Variants in PARP14 observed in about 807,000 individuals in gnomAD.
PARP14 encodes protein mono-ADP-ribosyltransferase PARP14.
A neutral mutation model predicts 154.2 loss-of-function variants in PARP14; 59 were observed. The observed-to-expected ratio is 0.38, with a 90% CI of 0.31 to 0.48. The LOEUF (loss-of-function observed/expected upper bound fraction) is 0.48, where lower values mean the gene tolerates loss of function less well. Ranked by LOEUF, PARP14 falls within the 20% of genes least tolerant of loss-of-function variation. The pLI, the probability that PARP14 is intolerant of heterozygous loss-of-function variation, is 0.98. For missense variants in PARP14, 1,734 were observed against 2,131.6 expected (o/e 0.81, Z 3.67); for synonymous variants, 720 against 780.5 (o/e 0.92, Z 1.29).
In PARP14 at chr3:122,684,839, G is replaced by T. The variant is rs138076717; in HGVS notation, c.188-346G>T. On this transcript the variant is annotated intron_variant, in intron 1 of 16. Transcript: ENST00000474629. ...TATTGCTACCTTTTGAGTACCTCCT[G>T]AGTGTCAGGTCCTGTACCAAGTTCT... 4.2e-3 allele frequency among the ~76,000 whole-genome samples: 642 copies of T among 152,250 alleles called. 2 individuals are homozygous for T. Among genetic ancestry groups the T allele is most frequent in the South Asian group, 6.0e-3 (29 of 4,822 alleles).
In PARP14 at chr3:122,680,985, G is replaced by A. The variant is rs1224564442; in HGVS notation, c.102G>A (p.Pro34=). ...AGTTGCAGATGTACTTCCAGAGCCCGAAGAGGTCGGGAGGCGGCGAGTGTG... is the reference window on the plus strand; with the variant it reads ...AGTTGCAGATGTACTTCCAGAGCCCAAAGAGGTCGGGAGGCGGCGAGTGTG... ...NTKLQMYFQS[P]KRSGGGECEV... Residue 34 remains proline (P), a synonymous_variant, in exon 1 of 17, where the codon CCG becomes CCA. Transcript: ENST00000474629. 5 of 1,613,836 alleles carry A rather than the reference G, an allele frequency of 3.1e-6. No individual in the cohort carries two copies. In the Admixed American group the frequency reaches 6.7e-5, roughly 22 times the overall value.
Position 122,699,619 on chromosome 3 carries a change from C to T in PARP14, c.1065C>T (p.Leu355=), listed in dbSNP as rs1191745613. The change falls in exon 6 of 17, where the codon CTC becomes CTT. Residue 355 remains leucine, a synonymous_variant. Transcript: ENST00000474629. ...AAATGAGGCGTTGTCACTGTGAGCTCACGTGGTCCCAACTCAGTGGTAAAG... is the reference window on the plus strand; with the variant it reads ...AAATGAGGCGTTGTCACTGTGAGCTTACGTGGTCCCAACTCAGTGGTAAAG... ...NDEMRRCHCE[L]TWSQLSGKVT... is the part of the protein sequence containing the mutation. 5 of 1,613,890 alleles carry T rather than the reference C, an allele frequency of 3.1e-6. No individual in the cohort carries two copies. In the East Asian group the frequency reaches 1.1e-4, roughly 36 times the overall value.
In PARP14 at chr3:122,700,802, G is replaced by A. The variant is rs1938939888; in HGVS notation, c.2248G>A (p.Ala750Thr). ...VKSVHTDKPG[A>T]KQFFQDKARF... ...AAGTGTCCATACTGATAAGCCAGGAGCCAAGCAGTTCTTCCAGGATAAAGC... is the reference window on the plus strand; with the variant it reads ...AAGTGTCCATACTGATAAGCCAGGAACCAAGCAGTTCTTCCAGGATAAAGC... The change falls in exon 6 of 17, where the codon GCC becomes ACC. Residue 750 changes from alanine (A) to threonine (T), a missense_variant. Physicochemically the swap from Ala to Thr is moderately conservative, Grantham distance 58. Transcript: ENST00000474629. 1 of 1,613,710 alleles carries A rather than the reference G, an allele frequency of 6.2e-7. No homozygotes were observed. Among genetic ancestry groups the A allele is most frequent in the African/African-American group, 1.3e-5 (1 of 74,934 alleles).
intron 6 of PARP14, among the ~76,000 whole-genome samples, chr3:122,702,974 A>G (rs963696073): frequency 6.9e-6 from 1 of 145,280 alleles, no homozygotes; most frequent in Admixed American, 7.0e-5. Flanking sequence ...CTGGGTGGAC[A>G]GAGCAAGACC....
At position 122,718,408 on chromosome 3, in the gene PARP14, T is replaced by C; in HGVS notation, c.4257T>C (p.Val1419=). Residue 1419 remains valine, a synonymous_variant, in exon 14 of 17, where the codon GTT becomes GTC. Coordinates refer to ENST00000474629, the MANE Select transcript of PARP14 (RefSeq NM_017554.3). ...KQSPQKKNHL[V]LEKKTESATF... ...CTCCCCAAAAAAAGAATCATTTGGT[T>C]TTGGAAAAGAAAACAGAATCAGCAA... 1 of 1,613,164 alleles carries C rather than the reference T, an allele frequency of 6.2e-7. No individual in the cohort carries two copies. The highest frequency in any genetic ancestry group is 2.2e-5 in the East Asian group (1 of 44,878).
At chr3:122,690,600 C>A (rs1283832432) in intron 3 of PARP14, among the ~76,000 whole-genome samples, 1 of 152,160 alleles carries the variant, frequency 6.6e-6, no homozygotes. Flanking sequence ...CAACCTCCGC[C>A]TCCCAGCTTC....
At chr3:122,715,674 ATC>A (rs1932981404) in intron 12 of PARP14, among the ~76,000 whole-genome samples, 1 of 150,438 alleles carries the variant, frequency 6.6e-6, no homozygotes, top group South Asian at 2.1e-4. Flanking sequence ...ATCTATCTCT[ATC>A]ATCTCTCTAC....
intron 1 of PARP14, among the ~76,000 whole-genome samples, chr3:122,683,906 T>G (rs1476412132): frequency 1.3e-5 from 2 of 152,174 alleles, no homozygotes; most frequent in African/African-American, 4.8e-5. Context: ...ATTTAGCTTG[T>G]TGTCAGGCTG....
intron 2 of PARP14, among the ~76,000 whole-genome samples, chr3:122,686,164 CT>C (rs1362129841): frequency 3.3e-5 from 5 of 152,140 alleles, no homozygotes; most frequent in East Asian, 3.9e-4. Flanking sequence ...TTATTTATTT[CT>C]TTTTTAGAGG....
In PARP14 at chr3:122,718,948, G is replaced by T; in HGVS notation, c.4797G>T (p.Thr1599=). Residue 1599 remains threonine, a synonymous_variant, in exon 14 of 17, where the codon ACG becomes ACT. Coordinates refer to ENST00000474629, the MANE Select transcript of PARP14 (RefSeq NM_017554.3). ...KGHSLSVQRL[T]KSKVDIPAHW... is the part of the protein sequence containing the mutation. ...ACAGTTTATCTGTTCAGCGCCTCAC[G>T]AAATCCAAAGGTGAGTTAAACATTC... 4 of 1,575,364 alleles carry T rather than the reference G, an allele frequency of 2.5e-6. No homozygotes were observed. The South Asian group carries it at 3.5e-5, about 14-fold the overall frequency.
At position 122,699,517 on chromosome 3, in the gene PARP14, A is replaced by T. The variant is rs1293673150; in HGVS notation, c.963A>T (p.Pro321=). The change falls in exon 6 of 17, where the codon CCA becomes CCT. Residue 321 remains proline (P), a synonymous_variant. Coordinates refer to ENST00000474629, the MANE Select transcript of PARP14 (RefSeq NM_017554.3). ...KEKPLIKLPA[P]FEESLDLPLW... ...AGCCTCTGATCAAGCTTCCAGCACC[A>T]TTTGAAGAGTCACTAGATCTTCCCT... The T allele has an allele frequency of 3.7e-6, 6 of 1,614,014 alleles. No homozygotes were observed. The highest frequency in any genetic ancestry group is 5.1e-6 in the Non-Finnish European group (6 of 1,179,866).
At chr3:122,711,833 T>C (rs1352081372) in intron 9 of PARP14, among the ~76,000 whole-genome samples, 1 of 152,226 alleles carries the variant, frequency 6.6e-6, no homozygotes, top group East Asian at 1.9e-4. Context: ...TTTCCAGGAA[T>C]TTATCCATTT....
chr3:122,728,093 T>C (rs1471286012), intron 16 of PARP14, 107 bp downstream of exon 16: 3 of 1,068,006 alleles, frequency 2.8e-6, no homozygotes, highest in African/African-American at 3.2e-5. Context: ...TTGGTGGCCA[T>C]GTTGCAGCCC....
chr3:122,695,287 G>T, intron 4 of PARP14, 139 bp from the exon 5 acceptor site: 1 of 590,770 alleles, frequency 1.7e-6, no homozygotes, highest in Admixed American at 3.0e-5. Flanking sequence ...TCTCATGTAG[G>T]TATTAAAATC....
chr3:122,703,928 C>T lies in PARP14; in HGVS notation c.3268C>T (p.Leu1090Phe), dbSNP rs1939065897. The change falls in exon 7 of 17, where the codon CTT becomes TTT. Residue 1090 changes from leucine to phenylalanine, a missense_variant. Transcript: ENST00000474629. The stretch of plus-strand genomic sequence containing the variant: ...CTGGAATCTGGACTGTCGCTATGTG[C>T]TTCACGTGGTAGCTCCGGAGTGGAG... Reference protein sequence around the residue: ...SSWNLDCRYVLHVVAPEWRNG... With the variant: ...SSWNLDCRYVFHVVAPEWRNG... 6.2e-7 allele frequency: 1 copy of T among 1,613,864 alleles called. No homozygotes were observed. The highest frequency in any genetic ancestry group is 8.5e-7 in the Non-Finnish European group (1 of 1,179,888).
rs1042904003 is a variant in PARP14 at position 122,725,126 on chromosome 3, C to T, written c.4942-2686C>T. 4.6e-5 allele frequency among the ~76,000 whole-genome samples: 7 copies of T among 152,318 alleles called. No homozygotes were observed. The East Asian group carries it at 9.6e-4, about 21-fold the overall frequency. On this transcript the variant is annotated intron_variant, in intron 15 of 16. Transcript: ENST00000474629. ...CTTTTCTTTTCGACAAAACTGCCAT[C>T]GTCATCATGGCCCGTTCTCAATGGT...
At chr3:122,708,358 GA>G (rs966227482) in intron 9 of PARP14, 90 bp downstream of exon 9, 55 of 677,990 alleles carry the variant, frequency 8.1e-5, no homozygotes, top group African/African-American at 1.5e-4. Flanking sequence ...TAATTTTTAT[GA>G]AAAAAAAATC....
chr3:122,683,352 G>A, intron 1 of PARP14: 1 of 913,546 alleles, frequency 1.1e-6, no homozygotes, highest in Non-Finnish European at 1.3e-6. Context: ...AACTGTAATA[G>A]GCAGATAACA....
At chr3:122,725,405 C>T (rs1462684838) in intron 15 of PARP14, among the ~76,000 whole-genome samples, 1 of 151,674 alleles carries the variant, frequency 6.6e-6, no homozygotes, top group Admixed American at 6.6e-5. Context: ...CTCCCCACCT[C>T]CCAGACAGGG....
Sources: gnomAD v4.1 joint callset for allele counts (sites outside exome capture counted in the v4.1 genomes callset) on GRCh38, gnomAD v4.1.1 for gene constraint, MANE v1.5 for transcripts, NCBI Gene and HGNC (gene_info 2026-07-23, HGNC 2026-07-21) for gene names.